ACYP2: variants seen among roughly 807,000 people sequenced by gnomAD.
ACYP2 encodes acylphosphatase-2.
ACYP2 carries 12 observed loss-of-function variants against 11.2 expected under a neutral mutation model. The ratio of observed to expected loss-of-function variants is 1.08; its 90% CI spans 0.69 to 1.74. The LOEUF is 1.74. ACYP2 is among the 40% of genes most tolerant of loss of function. ACYP2 has a pLI of 0.00. For synonymous variants in ACYP2, 43 were observed against 32.2 expected (o/e 1.33, Z -1.13); for missense variants, 134 against 101.9 (o/e 1.31, Z -1.35).
chr2:54,156,982 T>C (rs1682463313), intron 6 of ACYP2, among the ~76,000 whole-genome samples: 1 of 152,198 alleles, frequency 6.6e-6, no homozygotes, highest in Non-Finnish European at 1.5e-5. Flanking sequence ...GCATGAAATA[T>C]TTTAAATAAA....
At chr2:54,165,525 T>TCACA (rs1466687579) in intron 6 of ACYP2, among the ~76,000 whole-genome samples, 17 of 135,402 alleles carry the variant, frequency 1.3e-4, no homozygotes, top group African/African-American at 5.7e-4. Context: ...ACTCTCTCTC[T>TCACA]CTCTCTCTCT....
intron 6 of ACYP2, among the ~76,000 whole-genome samples, chr2:54,193,128 C>A (rs1464249889): frequency 6.6e-6 from 1 of 152,138 alleles, no homozygotes; most frequent in Non-Finnish European, 1.5e-5. Flanking sequence ...AAGTTGAAGT[C>A]CTGGTTTAAA....
At chr2:54,160,211 T>C (rs1682650448) in intron 6 of ACYP2, among the ~76,000 whole-genome samples, 1 of 152,172 alleles carries the variant, frequency 6.6e-6, no homozygotes, top group South Asian at 2.1e-4. Flanking sequence ...GATTCTCTTG[T>C]CCTTTCCCTC....
chr2:54,193,024 T>G (rs2103890476), intron 6 of ACYP2, among the ~76,000 whole-genome samples: 1 of 152,310 alleles, frequency 6.6e-6, no homozygotes. Flanking sequence ...CATATCAGGC[T>G]TCAATTAGTA....
chr2:54,129,028 C>T (rs1005055524), intron 4 of ACYP2, among the ~76,000 whole-genome samples: 1 of 152,124 alleles, frequency 6.6e-6, no homozygotes, highest in Non-Finnish European at 1.5e-5. Context: ...AAATTAAGTC[C>T]ACAAATCCAG....
intron 2 of ACYP2, among the ~76,000 whole-genome samples, chr2:53,987,458 T>C (rs1272338856): frequency 6.6e-6 from 1 of 152,230 alleles, no homozygotes; most frequent in Non-Finnish European, 1.5e-5. Context: ...CTACAGGTTT[T>C]TGTGTAAACA....
intron 6 of ACYP2, among the ~76,000 whole-genome samples, chr2:54,295,940 T>C (rs1689503759): frequency 6.6e-6 from 1 of 152,152 alleles, no homozygotes. Flanking sequence ...TTTGTATTTT[T>C]AGTAGAGACA....
intron 6 of ACYP2, among the ~76,000 whole-genome samples, chr2:54,169,120 T>C (rs115934395): frequency 2.0e-5 from 3 of 152,182 alleles, no homozygotes; most frequent in Non-Finnish European, 4.4e-5. Context: ...CTTACCTTTT[T>C]CCCCACAGAA....
chr2:53,971,628 C>G (rs913515446), intron 1 of ACYP2, among the ~76,000 whole-genome samples: 2 of 152,198 alleles, frequency 1.3e-5, no homozygotes, highest in Non-Finnish European at 2.9e-5. Context: ...AGGACTTAGT[C>G]TAGCAGAGAT....
At chr2:54,275,478 A>G (rs1688514478) in intron 6 of ACYP2, among the ~76,000 whole-genome samples, 1 of 152,178 alleles carries the variant, frequency 6.6e-6, no homozygotes, top group Non-Finnish European at 1.5e-5. Context: ...GTCCCACTTG[A>G]CTATTTCTAG....
chr2:54,051,419 G>T, intron 3 of ACYP2: 1 of 720,360 alleles, frequency 1.4e-6, no homozygotes, highest in Non-Finnish European at 2.5e-6. Flanking sequence ...CATTATGAAA[G>T]AGAAATGAAA....
intron 4 of ACYP2, chr2:54,123,385 T>C (rs1680269981): frequency 5.0e-6 from 2 of 398,598 alleles, no homozygotes; most frequent in Non-Finnish European, 8.8e-6. Context: ...AATTGGAGAA[T>C]GACTGCCCTT....
At chr2:53,996,117 A>G (rs907408202) in intron 2 of ACYP2, among the ~76,000 whole-genome samples, 5 of 151,978 alleles carry the variant, frequency 3.3e-5, no homozygotes, top group African/African-American at 4.8e-5. Context: ...CCGGGCAACA[A>G]GAGCGAAACT....
chr2:54,081,647 G>A (rs1349326503), intron 4 of ACYP2, among the ~76,000 whole-genome samples: 4 of 152,168 alleles, frequency 2.6e-5, no homozygotes, highest in Non-Finnish European at 5.9e-5. Context: ...CCAACGTTAA[G>A]GCTATTCACA....
chr2:54,208,006 G>C (rs1362884997), intron 6 of ACYP2, among the ~76,000 whole-genome samples: 1 of 152,066 alleles, frequency 6.6e-6, no homozygotes, highest in African/African-American at 2.4e-5. Context: ...GAGTGTTCCA[G>C]GACCTCCCAC....
chr2:54,097,502 C>T (rs1553370574), intron 4 of ACYP2, among the ~76,000 whole-genome samples: 1 of 152,206 alleles, frequency 6.6e-6, no homozygotes, highest in Non-Finnish European at 1.5e-5. Flanking sequence ...ACAATAACAA[C>T]ACAACAACAG....
chr2:54,261,724 T>G (rs1050955517), intron 6 of ACYP2, among the ~76,000 whole-genome samples: 1 of 152,194 alleles, frequency 6.6e-6, no homozygotes, highest in Non-Finnish European at 1.5e-5. Flanking sequence ...ACTATTTTTC[T>G]TAGAACTAGG....
chr2:54,204,646 G>T (rs1684998722), intron 6 of ACYP2, among the ~76,000 whole-genome samples: 1 of 152,148 alleles, frequency 6.6e-6, no homozygotes, highest in South Asian at 2.1e-4. Flanking sequence ...AAAATGTGAA[G>T]AATGTGTCTT....
chr2:54,192,801 C>T (rs62138037), intron 6 of ACYP2, among the ~76,000 whole-genome samples: 36,148 of 152,016 alleles, frequency 0.24, 4,396 homozygotes, highest in East Asian at 0.38. Flanking sequence ...TGGTGGAAGG[C>T]ACCCCTTCAC....
Sources: gnomAD v4.1 joint callset for allele counts (sites outside exome capture counted in the v4.1 genomes callset) on GRCh38, gnomAD v4.1.1 for gene constraint, MANE v1.5 for transcripts, NCBI Gene and HGNC (gene_info 2026-07-23, HGNC 2026-07-21) for gene names.